The following TTN variants were observed in gnomAD, a reference collection of about 807,000 sequenced individuals.
TTN encodes the protein connectin.
In TTN, 1,525 loss-of-function variants were observed where a neutral mutation model predicts 3,223.0. The ratio of observed to expected loss-of-function variants is 0.47; its 90% CI spans 0.45 to 0.49. The LOEUF is 0.49. Among genes scored for constraint, TTN ranks in the 20% least tolerant of loss-of-function variants. The pLI is 0.00. For missense variants in TTN, 40,786 were observed against 43,424.0 expected (o/e 0.94, Z 5.40); for synonymous variants, 14,094 against 15,161.0 (o/e 0.93, Z 5.17).
chr2:178,689,552 G>C lies in TTN; in HGVS notation c.31890C>G (p.Thr10630=), dbSNP rs755970221. The C allele has an allele frequency of 1.2e-6, 2 of 1,610,174 alleles. No individual in the cohort carries two copies. ...GAGATTCCTCTCTTTGAGTTACAATGGTTATTTTTTCTTCTGTCACAACTC... is the reference window on the plus strand; with the variant it reads ...GAGATTCCTCTCTTTGAGTTACAATCGTTATTTTTTCTTCTGTCACAACTC... The part of the protein sequence containing the change: ...QKGVVTEEKI[T]IVTQREESPP... Residue 10630 remains threonine (T), a synonymous_variant, in exon 123 of 363, where the codon ACC becomes ACG. Transcript: ENST00000589042.
At chr2:178,671,319 T>A (rs1408421957) in intron 155 of TTN, 149 bp from the exon 156 acceptor site, 2 of 559,056 alleles carry the variant, frequency 3.6e-6, no homozygotes, top group Non-Finnish European at 6.1e-6. Context: ...AGATTTGATT[T>A]GCTAAATATC....
In TTN at chr2:178,581,740, A is replaced by G. The variant is rs1553626322; in HGVS notation, c.66528T>C (p.Ser22176=). ...CGCCGTCATAGGCTGGCTTGCCCCA[A>G]GATAGACTCACAGAGCTGCGAGTTG... ...YDTTRSSVSL[S]WGKPAYDGGS... Residue 22176 remains serine, a synonymous_variant, in exon 316 of 363, where the codon TCT becomes TCC. Transcript: ENST00000589042. The G allele has an allele frequency of 1.2e-6, 2 of 1,608,888 alleles. No homozygotes were observed. The highest frequency in any genetic ancestry group is 2.7e-5 in the African/African-American group (2 of 74,938).
At chr2:178,772,021 G>T (rs1003422401) in intron 33 of TTN, among the ~76,000 whole-genome samples, 3 of 152,096 alleles carry the variant, frequency 2.0e-5, no homozygotes, top group African/African-American at 7.2e-5. Flanking sequence ...AGTTGCTTAT[G>T]TATCTGTCCT....
chr2:178,789,218 A>C, intron 13 of TTN, 142 bp downstream of exon 13: 1 of 1,110,772 alleles, frequency 9.0e-7, no homozygotes, highest in South Asian at 1.5e-5. Flanking sequence ...TAATTGTCTA[A>C]AAAATAAATT....
At position 178,582,612 on chromosome 2, in the gene TTN, GA is replaced by G. The variant is rs757794281; in HGVS notation, c.65864-21del. ...GTTTATCTGAAGGAATAAGGAAGAA[GA>G]GTGAATATGTGGAATGGGGAATGAG... On this transcript the variant is annotated intron_variant, in intron 313 of 362. Coordinates refer to ENST00000589042, the MANE Select transcript of TTN (RefSeq NM_001267550.2). 65 of 1,582,734 alleles carry G rather than the reference GA, an allele frequency of 4.1e-5. No individual in the cohort carries two copies. The highest frequency in any genetic ancestry group is 5.2e-5 in the Non-Finnish European group (60 of 1,163,270).
chr2:178,766,450 G>T lies in TTN; in HGVS notation c.9634C>A (p.Gln3212Lys), dbSNP rs1226969863. 1 of 1,614,008 alleles carries T rather than the reference G, an allele frequency of 6.2e-7. No homozygotes were observed. Among genetic ancestry groups the T allele is most frequent in the East Asian group, 2.2e-5 (1 of 44,884 alleles). The change falls in exon 41 of 363, where the codon CAG (glutamine) becomes AAG (lysine). Residue 3212 changes from glutamine (Q) to lysine (K), a missense_variant. Transcript: ENST00000589042. ...IHRMFISETR[Q>K]SDAGEYTFVA... ...AAGGTGTATTCTCCTGCATCGCTCT[G>T]TCTGGTCTCAGAGATAAACATTCGG...
chr2:178,712,636 A>G (rs753382108), intron 94 of TTN, 43 bp from the exon 95 acceptor site: 1 of 1,607,172 alleles, frequency 6.2e-7, no homozygotes, highest in Non-Finnish European at 8.5e-7. Context: ...ACACATATAC[A>G]TACAGACAAA....
Position 178,759,186 on chromosome 2 carries a change from G to T in TTN, c.10115-14C>A, listed in dbSNP as rs922804586. ...ACACTTTTAGATCTGCGACACAAAA[G>T]AAAAGAGATACTTCAACCACAAAAA... On this transcript the variant is annotated splice_polypyrimidine_tract_variant and intron_variant, in intron 43 of 362. Coordinates refer to ENST00000589042, the MANE Select transcript of TTN (RefSeq NM_001267550.2). The T allele has an allele frequency of 6.2e-7, 1 of 1,613,680 alleles. No homozygotes were observed. Among genetic ancestry groups the T allele is most frequent in the Non-Finnish European group, 8.5e-7 (1 of 1,179,832 alleles).
At position 178,729,077 on chromosome 2, in the gene TTN, T is replaced by C. The variant is rs145204073; in HGVS notation, c.18961A>G (p.Ile6321Val). 2.6e-4 allele frequency: 418 copies of C among 1,612,460 alleles called. 1 individual carries two copies. In the African/African-American group the frequency reaches 5.0e-3, roughly 19 times the overall value. Reference sequence around the variant, plus strand: ...TCATCCTTTAGCCAGGTTATAGAAATAGGAGGAGAACCTGCCACGGTACTC... The same window carrying C: ...TCATCCTTTAGCCAGGTTATAGAAACAGGAGGAGAACCTGCCACGGTACTC... ...FQSTVAGSPP[I>V]SITWLKDDQI... The change falls in exon 65 of 363, where the codon ATT becomes GTT. Residue 6321 changes from isoleucine (I) to valine (V), a missense_variant. Transcript: ENST00000589042.
Position 178,580,590 on chromosome 2 carries a change from A to G in TTN, c.66789T>C (p.Leu22263=), listed in dbSNP as rs2047470355. The change falls in exon 317 of 363, where the codon CTT becomes CTC. Residue 22263 remains leucine, a synonymous_variant. Transcript: ENST00000589042. ...KDILIPPEGE[L]DADLRKTLIL... is the part of the protein sequence containing the mutation. ...TGAGTGTCTTCCTTAAGTCCGCATC[A>G]AGTTCTCCCTCAGGTGGAACTGTTT... 6.2e-7 allele frequency: 1 copy of G among 1,610,728 alleles called. No individual in the cohort carries two copies.
rs770774613 is a variant in TTN at position 178,733,113 on chromosome 2, T to C, written c.16063A>G (p.Ile5355Val). The change falls in exon 55 of 363, where the codon ATT becomes GTT. Residue 5355 changes from isoleucine to valine, a missense_variant. Coordinates refer to ENST00000589042, the MANE Select transcript of TTN (RefSeq NM_001267550.2). ...ETTFTVLDRD[I>V]APFFTKPLRN... ...AAGGGTTTGGTAAAAAATGGAGCAATGTCTCGATCTGTGTGTTGCACAAGA... is the reference window on the plus strand; with the variant it reads ...AAGGGTTTGGTAAAAAATGGAGCAACGTCTCGATCTGTGTGTTGCACAAGA... The C allele has an allele frequency of 3.1e-6, 5 of 1,588,592 alleles. No homozygotes were observed. In the East Asian group the frequency reaches 1.1e-4, roughly 36 times the overall value.
intron 106 of TTN, 83 bp from the exon 107 acceptor site, chr2:178,702,746 T>G (rs950129673): frequency 7.4e-6 from 10 of 1,356,556 alleles, no homozygotes; most frequent in African/African-American, 1.5e-5. Context: ...ATACTTAAAA[T>G]CTCCATCTTT....
rs1576082826 is a variant in TTN at position 178,590,176 on chromosome 2, A to T, written c.61549T>A (p.Leu20517Met). The T allele has an allele frequency of 6.2e-7, 1 of 1,611,994 alleles. No homozygotes were observed. Among genetic ancestry groups the T allele is most frequent in the Non-Finnish European group, 8.5e-7 (1 of 1,179,068 alleles). ...DITWTKEGKV[L>M]VREKRVDLIQ... The stretch of plus-strand genomic sequence containing the variant: ...AGGTCCACCCTCTTTTCTCGGACCA[A>T]TACTTTGCCTTCCTTAGTCCAAGTT... The change falls in exon 304 of 363, where the codon TTG becomes ATG. Residue 20517 changes from leucine (L) to methionine (M), a missense_variant. Physicochemically the swap from Leu to Met is conservative, Grantham distance 15. Transcript: ENST00000589042.
At chr2:178,716,777 C>T (rs1050798777) in intron 88 of TTN, among the ~76,000 whole-genome samples, 1 of 152,142 alleles carries the variant, frequency 6.6e-6, no homozygotes, top group Non-Finnish European at 1.5e-5. Flanking sequence ...TTTGCAATAA[C>T]TTCGCTTTTG....
At chr2:178,753,380 C>T (rs549040417) in intron 46 of TTN, 200 bp from the exon 47 acceptor site, 8 of 465,454 alleles carry the variant, frequency 1.7e-5, no homozygotes, top group Non-Finnish European at 3.1e-5. Context: ...AGATTTAAAA[C>T]ATTTTTATTT....
In TTN at chr2:178,663,619, A is replaced by T; in HGVS notation, c.36532+8T>A. The T allele has an allele frequency of 6.2e-7, 1 of 1,613,690 alleles. No homozygotes were observed. Among genetic ancestry groups the T allele is most frequent in the South Asian group, 1.1e-5 (1 of 91,068 alleles). ...CATCATCTGAAGCCTAAAATCAGTG[A>T]CAAATACCTTTAACAGGTGGGACTT... On this transcript the variant is annotated splice_region_variant and intron_variant, in intron 171 of 362. Transcript: ENST00000589042.
In TTN at chr2:178,664,103, A is replaced by C. The variant is rs2065382812; in HGVS notation, c.36281-5T>G. 10 of 1,606,530 alleles carry C rather than the reference A, an allele frequency of 6.2e-6. No individual in the cohort carries two copies. Among genetic ancestry groups the C allele is most frequent in the Admixed American group, 1.7e-5 (1 of 58,250 alleles). On this transcript the variant is annotated splice_polypyrimidine_tract_variant and splice_region_variant and intron_variant, in intron 168 of 362. Coordinates refer to ENST00000589042, the MANE Select transcript of TTN (RefSeq NM_001267550.2). ...TCTCTTTGGGAGCTTCGTGCACTTG[A>C]AAGATATTAGTATTTTTACACTCAG...
rs2073434852 is a variant in TTN, at chr2:178,695,279, A to C, written c.31270+69T>G. ...ATTGGATTGAACTGCTGATTTATAC[A>C]TTGCTGCCAAACAAGCCATGATAAT... On this transcript the variant is annotated intron_variant, in intron 115 of 362. Transcript: ENST00000589042. 3.9e-6 allele frequency: 5 copies of C among 1,266,580 alleles called. No homozygotes were observed. In the Admixed American group the frequency reaches 7.0e-5, roughly 18 times the overall value. The allele number at this position is 1,266,580 out of a possible 1,614,324, so 78.5% of individuals were successfully genotyped here. A position where few individuals can be genotyped will look rare whatever the true frequency, so the allele number is the denominator to read the frequency against.
intron 9 of TTN, 141 bp from the exon 10 acceptor site, chr2:178,792,338 C>G: frequency 1.2e-6 from 1 of 811,636 alleles, no homozygotes; most frequent in South Asian, 1.9e-5. Flanking sequence ...TAAATAATCC[C>G]ATGTTCATAA....
Sources: gnomAD v4.1 joint callset for allele counts (sites outside exome capture counted in the v4.1 genomes callset) on GRCh38, gnomAD v4.1.1 for gene constraint, MANE v1.5 for transcripts, NCBI Gene and HGNC (gene_info 2026-07-23, HGNC 2026-07-21) for gene names.